Variants in DCC observed in about 807,000 individuals in gnomAD.
DCC encodes DCC netrin 1 receptor.
DCC carries 58 observed loss-of-function variants against 172.5 expected under a neutral mutation model. The ratio of observed to expected loss-of-function variants is 0.34; its 90% CI spans 0.27 to 0.42. DCC has a LOEUF of 0.42. Ranked by LOEUF, DCC falls within the 10% of genes least tolerant of loss-of-function variation. The pLI, the probability that DCC is intolerant of heterozygous loss-of-function variation, is 1.00. For synonymous variants in DCC, 709 were observed against 644.5 expected (o/e 1.10, Z -1.52); for missense variants, 1,740 against 1,791.0 (o/e 0.97, Z 0.51).
chr18:53,214,829 G>A (rs2055821229), intron 11 of DCC, among the ~76,000 whole-genome samples: 1 of 152,054 alleles, frequency 6.6e-6, no homozygotes, highest in Non-Finnish European at 1.5e-5. Flanking sequence ...TTTTGGTAGA[G>A]TAAATATTTA....
At chr18:53,452,668 T>C (rs2045428458) in intron 23 of DCC, among the ~76,000 whole-genome samples, 1 of 152,214 alleles carries the variant, frequency 6.6e-6, no homozygotes, top group African/African-American at 2.4e-5. Context: ...AGTGGTTCTA[T>C]TAATGACTGA....
chr18:52,989,206 T>G (rs1034891577), intron 5 of DCC, among the ~76,000 whole-genome samples: 36 of 152,102 alleles, frequency 2.4e-4, no homozygotes, highest in Non-Finnish European at 4.1e-4. Flanking sequence ...ACAATTTTAT[T>G]TATTAAAAAA....
intron 15 of DCC, among the ~76,000 whole-genome samples, chr18:53,383,564 T>C (rs977524560): frequency 2.7e-5 from 4 of 149,646 alleles, no homozygotes; most frequent in Non-Finnish European, 4.4e-5. Context: ...GCATGTTTTC[T>C]ACTTTAAGAA....
intron 13 of DCC, among the ~76,000 whole-genome samples, chr18:53,315,415 A>G (rs927370650): frequency 1.3e-5 from 2 of 152,338 alleles, no homozygotes; most frequent in South Asian, 2.1e-4. Flanking sequence ...TAGTGCTGCA[A>G]TAAACATACA....
At chr18:53,395,817 A>G (rs1030172669) in intron 17 of DCC, among the ~76,000 whole-genome samples, 3 of 152,092 alleles carry the variant, frequency 2.0e-5, no homozygotes, top group East Asian at 1.9e-4. Context: ...TAATTTTTGT[A>G]TTTTTAATAG....
chr18:52,642,019 T>C (rs1568269594), intron 1 of DCC, among the ~76,000 whole-genome samples: 1 of 8,218 alleles, frequency 1.2e-4, no homozygotes, highest in East Asian at 3.6e-3. Context: ...TGTGTGTATA[T>C]ATATATATAT....
At chr18:53,368,932 G>A (rs1351872821) in intron 15 of DCC, among the ~76,000 whole-genome samples, 1 of 151,732 alleles carries the variant, frequency 6.6e-6, no homozygotes, top group African/African-American at 2.4e-5. Context: ...ACTCCTTTAA[G>A]ATTACATATG....
At chr18:52,413,099 G>A (rs893956558) in intron 1 of DCC, among the ~76,000 whole-genome samples, 2 of 150,406 alleles carry the variant, frequency 1.3e-5, no homozygotes, top group African/African-American at 4.8e-5. Flanking sequence ...AGTTTGTTTA[G>A]AGGCTTATAT....
intron 5 of DCC, among the ~76,000 whole-genome samples, chr18:52,945,486 A>C (rs2040529515): frequency 6.6e-6 from 1 of 152,210 alleles, no homozygotes; most frequent in Non-Finnish European, 1.5e-5. Context: ...GATAACTAGA[A>C]GTTCATTTCT....
At chr18:52,877,602 G>A (rs886688772) in intron 2 of DCC, among the ~76,000 whole-genome samples, 2 of 151,962 alleles carry the variant, frequency 1.3e-5, no homozygotes, top group African/African-American at 4.8e-5. Flanking sequence ...AGGTACTTTG[G>A]AGGTTGAGGT....
At chr18:52,589,150 A>G (rs1295834432) in intron 1 of DCC, among the ~76,000 whole-genome samples, 1 of 152,178 alleles carries the variant, frequency 6.6e-6, no homozygotes, top group Non-Finnish European at 1.5e-5. Context: ...CTGAGCTTCA[A>G]ATACTTTTTT....
At chr18:52,508,363 G>A (rs943439434) in intron 1 of DCC, among the ~76,000 whole-genome samples, 1 of 152,090 alleles carries the variant, frequency 6.6e-6, no homozygotes, top group Non-Finnish European at 1.5e-5. Context: ...CACAAAAGCT[G>A]AGAAGGTTCA....
In DCC at chr18:52,497,272, AAAAAAAAAATATAT is replaced by A. The variant is rs1328000454; in HGVS notation, c.91+156396_91+156409del. 3.3e-5 allele frequency among the ~76,000 whole-genome samples: 3 copies of A among 91,134 alleles called. 1 individual carries two copies. The highest frequency in any genetic ancestry group is 1.3e-4 in the African/African-American group (3 of 23,784). The allele number at this position is 91,134 out of a possible 152,430, so 59.8% of individuals were successfully genotyped here. A position where few individuals can be genotyped will look rare whatever the true frequency, so the allele number is the denominator to read the frequency against. ...TGAGACCCTGTATCAAAAAAAAAAA[AAAAAAAAAATATAT>A]ATATATATATATATATATATATATA... is the stretch of plus-strand genomic sequence containing the variant. On this transcript the variant is annotated intron_variant, in intron 1 of 28. Transcript: ENST00000442544.
chr18:52,607,218 T>A (rs2034151404), intron 1 of DCC, among the ~76,000 whole-genome samples: 1 of 152,052 alleles, frequency 6.6e-6, no homozygotes, highest in Non-Finnish European at 1.5e-5. Context: ...GGGAAAGAGA[T>A]GACCACTCTG....
chr18:53,206,275 CACAT>C (rs2055631773), intron 10 of DCC, among the ~76,000 whole-genome samples: 1 of 132,220 alleles, frequency 7.6e-6, no homozygotes, highest in African/African-American at 2.8e-5. Context: ...TGTATTATAA[CACAT>C]ATATACCACA....
At chr18:52,387,412 A>G (rs1408325447) in intron 1 of DCC, among the ~76,000 whole-genome samples, 2 of 152,142 alleles carry the variant, frequency 1.3e-5, no homozygotes, top group Non-Finnish European at 2.9e-5. Flanking sequence ...TCAGGGCACA[A>G]GAATGGTATA....
intron 7 of DCC, among the ~76,000 whole-genome samples, chr18:53,073,645 C>G (rs780309698): frequency 6.6e-6 from 1 of 151,872 alleles, no homozygotes; most frequent in Non-Finnish European, 1.5e-5. Flanking sequence ...ATTGGTTAGA[C>G]GTTTAGAAAA....
intron 1 of DCC, among the ~76,000 whole-genome samples, chr18:52,558,389 T>A (rs2032962518): frequency 4.6e-5 from 7 of 152,164 alleles, no homozygotes; most frequent in Admixed American, 4.6e-4. Context: ...CTAATTGCTT[T>A]ACCTACTGTT....
At chr18:52,963,499 C>T (rs1052135593) in intron 5 of DCC, among the ~76,000 whole-genome samples, 1 of 152,042 alleles carries the variant, frequency 6.6e-6, no homozygotes, top group Non-Finnish European at 1.5e-5. Context: ...AAGAGGGATG[C>T]GACTGCCTGA....
Sources: gnomAD v4.1 joint callset for allele counts (sites outside exome capture counted in the v4.1 genomes callset) on GRCh38, gnomAD v4.1.1 for gene constraint, MANE v1.5 for transcripts, NCBI Gene and HGNC (gene_info 2026-07-23, HGNC 2026-07-21) for gene names.